ERN1: variants seen among roughly 807,000 people sequenced by gnomAD.
The protein encoded by ERN1 is endoplasmic reticulum to nucleus signaling 1.
In ERN1, 39 loss-of-function variants were observed where a neutral mutation model predicts 113.1. The observed-to-expected ratio is 0.34, with a 90% confidence interval of 0.27 to 0.45. The LOEUF (loss-of-function observed/expected upper bound fraction) is 0.45, where lower values mean the gene tolerates loss of function less well. Ranked by LOEUF, ERN1 falls within the 20% of genes least tolerant of loss-of-function variation. The pLI is 1.00. For synonymous variants in ERN1, 507 were observed against 515.9 expected (o/e 0.98, Z 0.23); for missense variants, 976 against 1,274.8 (o/e 0.77, Z 3.57).
At chr17:64,068,464 CAT>C (rs1304057800) in intron 6 of ERN1, among the ~76,000 whole-genome samples, 173 bp from the exon 7 acceptor site, 1 of 152,220 alleles carries the variant, frequency 6.6e-6, no homozygotes, top group East Asian at 1.9e-4. Context: ...GGCCCAGACA[CAT>C]GAGTGAAACT....
Position 64,071,112 on chromosome 17 carries a change from A to T in ERN1, c.478+869T>A, listed in dbSNP as rs1361917571. Among the ~76,000 whole-genome samples the T allele has an allele frequency of 4.6e-5, 7 of 152,340 alleles. No homozygotes were observed. In the East Asian group the frequency reaches 1.4e-3, roughly 29 times the overall value. ...GAGGAAACACAAAATGGTGCGGTGAAGAGGGTGCAAGCCATGCCTGTCAAG... is the reference window on the plus strand; with the variant it reads ...GAGGAAACACAAAATGGTGCGGTGATGAGGGTGCAAGCCATGCCTGTCAAG... On this transcript the variant is annotated intron_variant, in intron 6 of 21. Transcript: ENST00000433197.
chr17:64,090,921 A>C (rs955950521), intron 2 of ERN1, among the ~76,000 whole-genome samples: 3 of 152,246 alleles, frequency 2.0e-5, no homozygotes, highest in African/African-American at 7.2e-5. Flanking sequence ...ATACAAAAAA[A>C]GAAAGAACCA....
chr17:64,044,177 A>G lies in ERN1; in HGVS notation c.2745T>C (p.Pro915=), dbSNP rs1912434290. ...ACCCCAGCGTCTCCCGCACCTCTGC[A>G]GGCAGCTCCCGGTAGTGGTGCTTCT... The part of the protein sequence containing the change: ...RNKKHHYREL[P]AEVRETLGSL... Residue 915 remains proline, a synonymous_variant, in exon 22 of 22, where the codon CCT becomes CCC. Coordinates refer to ENST00000433197, the MANE Select transcript of ERN1 (RefSeq NM_001433.5). The surrounding 1 kb of genome is among the most constrained non-coding windows in gnomAD (Gnocchi z 4.1). The G allele has an allele frequency of 3.2e-6, 5 of 1,574,784 alleles. No homozygotes were observed. Among genetic ancestry groups the G allele is most frequent in the South Asian group, 1.2e-5 (1 of 85,926 alleles).
In ERN1 at chr17:64,104,904, C is replaced by T. The variant is rs141984979; in HGVS notation, c.55-6663G>A. ...ATGGCAAGATACAGTGTCATGCACA[C>T]GTGTTCCATACCCACAGTTTTCCAG... On this transcript the variant is annotated intron_variant, in intron 1 of 21. Transcript: ENST00000433197. Among the ~76,000 whole-genome samples, 371 of 152,242 alleles carry T rather than the reference C, an allele frequency of 2.4e-3. 1 individual carries two copies. The highest frequency in any genetic ancestry group is 6.8e-3 in the Middle Eastern group (2 of 294).
At chr17:64,046,250 A>G (rs1321350284) in intron 19 of ERN1, among the ~76,000 whole-genome samples, 1 of 152,192 alleles carries the variant, frequency 6.6e-6, no homozygotes, top group African/African-American at 2.4e-5. Context: ...CAATTGTCAG[A>G]GAGAAGCTGT....
chr17:64,051,047 A>T (rs1912667336), intron 17 of ERN1, among the ~76,000 whole-genome samples: 1 of 152,160 alleles, frequency 6.6e-6, no homozygotes. Context: ...AGGGGTTTCC[A>T]GGTTGGCCAA....
intron 2 of ERN1, among the ~76,000 whole-genome samples, chr17:64,089,199 G>C (rs902605260): frequency 2.6e-5 from 4 of 151,542 alleles, no homozygotes; most frequent in Non-Finnish European, 4.4e-5. Context: ...GGCACGTGTA[G>C]TCCCAGCTAC....
Position 64,052,839 on chromosome 17 carries a change from G to A in ERN1, c.2194C>T (p.Pro732Ser), listed in dbSNP as rs781463811. Residue 732 changes from proline to serine, a missense_variant, in exon 17 of 22, where the codon CCT (proline) becomes TCT (serine). Transcript: ENST00000433197. Reference protein sequence around the residue: ...RHSFSRRSGVPGTEGWIAPEM... With the variant: ...RHSFSRRSGVSGTEGWIAPEM... ...GGAGCGATCCAGCCTTCTGTGCCAG[G>A]CACCCCAGATCGGCGGCTGAAACTG... is the stretch of plus-strand genomic sequence containing the variant. 3.1e-6 allele frequency: 5 copies of A among 1,614,026 alleles called. No homozygotes were observed. The South Asian group carries it at 4.4e-5, about 14-fold the overall frequency.
chr17:64,089,623 G>C (rs1914034217), intron 2 of ERN1, among the ~76,000 whole-genome samples: 1 of 152,128 alleles, frequency 6.6e-6, no homozygotes, highest in Non-Finnish European at 1.5e-5. Context: ...TAGACAGGCG[G>C]GCATTGAGGC....
chr17:64,110,260 C>A (rs1046316103), intron 1 of ERN1, among the ~76,000 whole-genome samples: 2 of 152,112 alleles, frequency 1.3e-5, no homozygotes, highest in Non-Finnish European at 2.9e-5. Context: ...TTACGGTGTA[C>A]AACATGATGT....
intron 6 of ERN1, 132 bp from the exon 7 acceptor site, chr17:64,068,423 G>T (rs1913307824): frequency 1.5e-6 from 1 of 650,030 alleles, no homozygotes; most frequent in Non-Finnish European, 2.8e-6. Flanking sequence ...TATCCATGTC[G>T]ATAGAGAAAG....
At position 64,055,681 on chromosome 17, in the gene ERN1, C is replaced by T. The variant is rs753165351; in HGVS notation, c.1666G>A (p.Asp556Asn). The stretch of plus-strand genomic sequence containing the variant: ...AGATGGCAACTGGCTTTACCTCCAT[C>T]GTCTTGTTCCAGGGAGGGGCTGCTG... ...AGSSPSLEQD[D>N]GDEETSVVIV... Residue 556 changes from aspartate (D) to asparagine (N), a missense_variant, in exon 13 of 22, where the codon GAT (aspartate) becomes AAT (asparagine). Transcript: ENST00000433197. 4.4e-6 allele frequency: 7 copies of T among 1,581,464 alleles called. No homozygotes were observed. The highest frequency in any genetic ancestry group is 2.3e-5 in the South Asian group (2 of 86,864).
chr17:64,075,113 C>A (rs1645671542), intron 5 of ERN1, 62 bp downstream of exon 5: 1 of 1,381,772 alleles, frequency 7.2e-7, no homozygotes, highest in African/African-American at 1.4e-5. Context: ...CCGCATGCCA[C>A]TTTCCCAGAT....
chr17:64,075,262 AAAAAG>A lies in ERN1; in HGVS notation c.283-20_283-16del. On this transcript the variant is annotated splice_polypyrimidine_tract_variant and intron_variant, in intron 4 of 21. Coordinates refer to ENST00000433197, the MANE Select transcript of ERN1 (RefSeq NM_001433.5). Reference sequence around the variant, plus strand: ...AAAGGAAGTTTCTTTAAAAAAAAAAAAAAAGAAAAAAAAAAGTTAACCAAGTCTTG... The same window carrying A: ...AAAGGAAGTTTCTTTAAAAAAAAAAAAAAAAAAAAAGTTAACCAAGTCTTG... 6.7e-7 allele frequency: 1 copy of A among 1,493,668 alleles called. No homozygotes were observed. Among genetic ancestry groups the A allele is most frequent in the Non-Finnish European group, 8.9e-7 (1 of 1,127,402 alleles). 92.5% of individuals were successfully genotyped at this position (1,493,668 alleles called of 1,614,324 possible).
chr17:64,048,833 G>A (rs1053340395), intron 18 of ERN1, among the ~76,000 whole-genome samples: 1 of 152,160 alleles, frequency 6.6e-6, no homozygotes, highest in African/African-American at 2.4e-5. Context: ...TGGTGACCTG[G>A]AGGAACCTTG....
intron 1 of ERN1, among the ~76,000 whole-genome samples, chr17:64,106,763 C>CACACA (rs373338585): frequency 0.011 from 1,463 of 138,518 alleles, 35 homozygotes; most frequent in African/African-American, 0.041. Flanking sequence ...CACACACACA[C>CACACA]AAGCTCGCTG....
Position 64,054,896 on chromosome 17 carries a change from A to T in ERN1, c.1673-68T>A. On this transcript the variant is annotated intron_variant, in intron 13 of 21. Transcript: ENST00000433197. This position sits in a 1 kb window ranked among gnomAD's most constrained non-coding sequence, Gnocchi z 4.9. ...ACCTAAAGAACCTTGAGGTTAACAT[A>T]GTGACAAGCTTCCTGACCTCAGATT... The T allele has an allele frequency of 8.5e-7, 1 of 1,182,848 alleles. No homozygotes were observed. The highest frequency in any genetic ancestry group is 1.2e-6 in the Non-Finnish European group (1 of 823,264). The allele number at this position is 1,182,848 out of a possible 1,614,324, so 73.3% of individuals were successfully genotyped here.
At chr17:64,053,043 G>A (rs1291655942) in intron 16 of ERN1, 64 bp from the exon 17 acceptor site, 1 of 969,222 alleles carries the variant, frequency 1.0e-6, no homozygotes, top group South Asian at 1.5e-5. Context: ...CCTCCAATGG[G>A]GAATGTGTCC....
At chr17:64,075,470 T>C (rs1373638804) in intron 4 of ERN1, among the ~76,000 whole-genome samples, 1 of 152,288 alleles carries the variant, frequency 6.6e-6, no homozygotes, top group African/African-American at 2.4e-5. Context: ...TCTCATTCTG[T>C]CGCCCAGGCT....
Sources: allele counts gnomAD v4.1 joint callset (sites outside exome capture counted in the v4.1 genomes callset), GRCh38; gene constraint gnomAD v4.1.1; non-coding constraint Gnocchi (gnomAD v3.1); transcripts MANE v1.5; gene names NCBI Gene and HGNC (gene_info 2026-07-23, HGNC 2026-07-21).